GCSAML: variants seen among roughly 807,000 people sequenced by gnomAD.
GCSAML encodes germinal center associated signaling and motility like.
In GCSAML, 9 loss-of-function variants were observed where a neutral mutation model predicts 13.0. The observed-to-expected ratio is 0.69, with a 90% CI of 0.42 to 1.21. The LOEUF is 1.21. Among genes scored for constraint, GCSAML ranks in the 50% most tolerant of loss-of-function variants. The pLI, the probability that GCSAML is intolerant of heterozygous loss-of-function variation, is 0.00. For synonymous variants in GCSAML, 37 were observed against 52.9 expected, an observed-to-expected ratio of 0.70 and a Z score of 1.31; for missense variants, 143 against 153.4, an observed-to-expected ratio of 0.93 and a Z score of 0.36.
At chr1:247,564,871 A>G (rs1156459157) in intron 3 of GCSAML, among the ~76,000 whole-genome samples, 2 of 152,196 alleles carry the variant, frequency 1.3e-5, no homozygotes, top group African/African-American at 4.8e-5. Context: ...TTAACTCAAG[A>G]TGGATTAAAG....
chr1:247,515,418 A>C (rs138363396), intron 1 of GCSAML, among the ~76,000 whole-genome samples: 37 of 152,348 alleles, frequency 2.4e-4, no homozygotes, highest in African/African-American at 8.4e-4. Context: ...TTTATGAAAA[A>C]GGAATGGTAA....
intron 1 of GCSAML, among the ~76,000 whole-genome samples, chr1:247,517,027 C>A (rs1319655477): frequency 6.6e-6 from 1 of 152,162 alleles, no homozygotes; most frequent in African/African-American, 2.4e-5. Flanking sequence ...TTCTGCTTAA[C>A]TGATCTCTGG....
chr1:247,546,472 C>T (rs893654397), upstream of GCSAML, among the ~76,000 whole-genome samples: 23 of 152,140 alleles, frequency 1.5e-4, no homozygotes, highest in Non-Finnish European at 1.5e-4. Flanking sequence ...CATTCTCCTG[C>T]CTCAGCCTCC....
At position 247,577,231 on chromosome 1, in the gene GCSAML, C is replaced by G. The variant is rs1486367306; in HGVS notation, c.*2849C>G. ...TTGTTTATATTTTTAATCAGTTTTA[C>G]TCAAGTGTGATTATATACAAGAAAA... On this transcript the variant is annotated 3_prime_UTR_variant, in exon 5 of 5. Coordinates refer to ENST00000366488, the MANE Select transcript of GCSAML (RefSeq NM_145278.5). The G allele has an allele frequency of 1.3e-5, 2 of 152,072 alleles. No homozygotes were observed. Among genetic ancestry groups the G allele is most frequent in the African/African-American group, 4.8e-5 (2 of 41,392 alleles). 9.4% of individuals were successfully genotyped at this position (152,072 alleles called of 1,614,324 possible). A position where few individuals can be genotyped will look rare whatever the true frequency, so the allele number is the denominator to read the frequency against.
At chr1:247,528,386 G>C (rs890676686) in intron 2 of GCSAML, 1 of 152,148 alleles carries the variant, frequency 6.6e-6, no homozygotes, top group Admixed American at 6.5e-5. Context: ...TTTGTGGTGA[G>C]AGCGTTCAAA....
intron 1 of GCSAML, chr1:247,524,548 A>T (rs1666581272): frequency 6.6e-6 from 1 of 152,196 alleles, no homozygotes; most frequent in Admixed American, 6.5e-5. Context: ...TTTGCATCCT[A>T]TGAAAGCAGG....
upstream of GCSAML, among the ~76,000 whole-genome samples, chr1:247,546,157 G>A (rs886857838): frequency 9.2e-4 from 140 of 151,928 alleles, 1 homozygote; most frequent in African/African-American, 3.1e-3. Flanking sequence ...TTGTTTGTTC[G>A]TTTTGTTTTG....
chr1:247,560,629 A>G (rs909698387), intron 2 of GCSAML, among the ~76,000 whole-genome samples: 11 of 152,150 alleles, frequency 7.2e-5, no homozygotes, highest in African/African-American at 2.7e-4. Context: ...TGAATGAAAA[A>G]CAAAAATTGT....
chr1:247,561,001 T>C (rs1668108808), intron 2 of GCSAML, among the ~76,000 whole-genome samples: 1 of 152,214 alleles, frequency 6.6e-6, no homozygotes, highest in Non-Finnish European at 1.5e-5. Context: ...TCACTGGGGC[T>C]GGAGTACAAT....
chr1:247,566,092 C>A, intron 4 of GCSAML, 133 bp downstream of exon 4: 1 of 596,900 alleles, frequency 1.7e-6, no homozygotes, highest in South Asian at 3.1e-5. Context: ...TCTAAATGTA[C>A]TTTTAGAAAT....
At chr1:247,546,245 A>C (rs1290107312), upstream of GCSAML, among the ~76,000 whole-genome samples, 1 of 152,152 alleles carries the variant, frequency 6.6e-6, no homozygotes, top group Non-Finnish European at 1.5e-5. Context: ...TGATCATTGC[A>C]CACTACAGCT....
intron 2 of GCSAML, among the ~76,000 whole-genome samples, chr1:247,535,157 T>A (rs1320342382): frequency 3.3e-5 from 5 of 151,828 alleles, no homozygotes; most frequent in African/African-American, 1.2e-4. Context: ...TACAAAAAAA[T>A]AAAATAAAAT....
At chr1:247,508,169 A>G (rs1442710801) in intron 1 of GCSAML, among the ~76,000 whole-genome samples, 1 of 152,198 alleles carries the variant, frequency 6.6e-6, no homozygotes. Flanking sequence ...CATCCTCTCC[A>G]GCATCTGTTG....
chr1:247,538,668 A>G (rs1020127945), intron 2 of GCSAML: 3 of 452,702 alleles, frequency 6.6e-6, no homozygotes, highest in African/African-American at 4.0e-5. Context: ...CTTTCCACAC[A>G]TGCACAGAGG....
upstream of GCSAML, among the ~76,000 whole-genome samples, chr1:247,547,569 C>G (rs1232345996): frequency 1.3e-5 from 2 of 152,206 alleles, no homozygotes; most frequent in African/African-American, 2.4e-5. Context: ...ATTTCAGTAG[C>G]TCTCAAATTT....
At chr1:247,566,841 C>T (rs1406530990) in intron 4 of GCSAML, among the ~76,000 whole-genome samples, 1 of 151,688 alleles carries the variant, frequency 6.6e-6, no homozygotes, top group African/African-American at 2.4e-5. Context: ...TGCATAAACT[C>T]AATTTTTTCT....
chr1:247,559,541 G>T lies in GCSAML; in HGVS notation c.89+3075G>T, dbSNP rs566045603. The stretch of plus-strand genomic sequence containing the variant: ...TCAAGGACACCCAGGGACATTGCAG[G>T]CAGCTTCCTCTCGGATAGGGAGGAT... On this transcript the variant is annotated intron_variant, in intron 2 of 4. Transcript: ENST00000366488. 2.0e-5 allele frequency among the ~76,000 whole-genome samples: 3 copies of T among 152,252 alleles called. No homozygotes were observed. In the East Asian group the frequency reaches 5.8e-4, roughly 29 times the overall value.
intron 1 of GCSAML, chr1:247,525,794 C>T (rs747117964): frequency 1.3e-5 from 2 of 152,244 alleles, no homozygotes; most frequent in Non-Finnish European, 2.9e-5. Context: ...TATCTTAATT[C>T]TCTAATTCTG....
chr1:247,569,217 C>T (rs1668505404), intron 4 of GCSAML, among the ~76,000 whole-genome samples: 1 of 152,126 alleles, frequency 6.6e-6, no homozygotes, highest in African/African-American at 2.4e-5. Flanking sequence ...TGCCTGATTG[C>T]CCTGGTCAGA....
Sources: allele counts gnomAD v4.1 joint callset (sites outside exome capture counted in the v4.1 genomes callset), GRCh38; gene constraint gnomAD v4.1.1; transcripts MANE v1.5; gene names NCBI Gene and HGNC (gene_info 2026-07-23, HGNC 2026-07-21).